SLC5A4: variants seen among roughly 807,000 people sequenced by gnomAD.
SLC5A4 encodes solute carrier family 5 member 4, also known as probable glucose sensor protein SLC5A4.
In SLC5A4, 55 loss-of-function variants were observed where a neutral mutation model predicts 70.3. That is an observed-to-expected ratio of 0.78 (90% CI 0.63 to 0.98). The LOEUF is 0.98. Ranked by LOEUF, SLC5A4 falls within the 50% of genes least tolerant of loss-of-function variation. The pLI is 0.00. For synonymous variants in SLC5A4, 268 were observed against 305.7 expected, an observed-to-expected ratio of 0.88 and a Z score of 1.29; for missense variants, 735 against 839.2, an observed-to-expected ratio of 0.88 and a Z score of 1.53.
the SLC5A4 span, among the ~76,000 whole-genome samples, chr22:32,349,232 C>G: frequency 5.3e-4 from 81 of 151,570 alleles, no homozygotes; most frequent in East Asian, 1.7e-3. Flanking sequence ...CTTGGCCTCC[C>G]AAGGTGCTGG....
the SLC5A4 span, among the ~76,000 whole-genome samples, chr22:32,339,388 A>C: frequency 6.6e-6 from 1 of 152,192 alleles, no homozygotes; most frequent in Non-Finnish European, 1.5e-5. Context: ...ACTGAGACTC[A>C]GGAGAGCTAC....
At chr22:32,290,676 A>G in the SLC5A4 span, among the ~76,000 whole-genome samples, 2 of 152,160 alleles carry the variant, frequency 1.3e-5, no homozygotes, top group African/African-American at 2.4e-5. Flanking sequence ...AAGATCAGGG[A>G]ACTGGCAGAT....
At chr22:32,323,241 C>T in the SLC5A4 span, among the ~76,000 whole-genome samples, 4 of 152,130 alleles carry the variant, frequency 2.6e-5, no homozygotes, top group Non-Finnish European at 4.4e-5. Flanking sequence ...GTGGACCCCG[C>T]ACCTCCTCAC....
At chr22:32,239,834 C>G (rs974443000) in intron 5 of SLC5A4, among the ~76,000 whole-genome samples, 4 of 148,594 alleles carry the variant, frequency 2.7e-5, no homozygotes, top group African/African-American at 9.9e-5. Flanking sequence ...ACCATCCTGG[C>G]TAACACAGTG....
At chr22:32,264,367 G>C in the SLC5A4 span, among the ~76,000 whole-genome samples, 1 of 151,936 alleles carries the variant, frequency 6.6e-6, no homozygotes, top group East Asian at 1.9e-4. Context: ...TGAGCCAGGG[G>C]TTCTAGACCA....
intron 11 of SLC5A4, 25 bp downstream of exon 11, chr22:32,229,169 T>C: frequency 1.9e-6 from 3 of 1,608,344 alleles, no homozygotes; most frequent in Non-Finnish European, 2.6e-6. Context: ...CAGAGGATTC[T>C]AGGTGGGAAC....
At chr22:32,223,997 T>G (rs543401969) in intron 13 of SLC5A4, among the ~76,000 whole-genome samples, 84 of 152,202 alleles carry the variant, frequency 5.5e-4, no homozygotes, top group Middle Eastern at 3.4e-3. Context: ...CTTGGCTCAC[T>G]GCAAGCTCCG....
the SLC5A4 span, among the ~76,000 whole-genome samples, chr22:32,296,455 G>T: frequency 1.5e-5 from 1 of 66,822 alleles, no homozygotes; most frequent in African/African-American, 5.8e-5. Context: ...TTGGCTCTCT[G>T]TCTGTTGTTG....
At chr22:32,320,888 C>T in the SLC5A4 span, among the ~76,000 whole-genome samples, 4 of 151,220 alleles carry the variant, frequency 2.6e-5, no homozygotes, top group East Asian at 1.9e-4. Context: ...GTGGACGATC[C>T]GGCAACCTCT....
the SLC5A4 span, among the ~76,000 whole-genome samples, chr22:32,291,697 G>A: frequency 6.6e-6 from 1 of 151,898 alleles, no homozygotes; most frequent in Non-Finnish European, 1.5e-5. Flanking sequence ...AATCACCTAA[G>A]TTTTAATATG....
chr22:32,234,200 A>G (rs2123895655), intron 8 of SLC5A4, among the ~76,000 whole-genome samples: 1 of 152,320 alleles, frequency 6.6e-6, no homozygotes, highest in Admixed American at 6.5e-5. Context: ...AGGGTCTGAG[A>G]GCATTTATTC....
the SLC5A4 span, chr22:32,271,140 G>C: frequency 1.5e-6 from 1 of 659,338 alleles, no homozygotes. Context: ...TCCAGACAGA[G>C]CCCATCCACT....
At chr22:32,272,036 C>T in the SLC5A4 span, 612 of 637,556 alleles carry the variant, frequency 9.6e-4, 1 homozygote, top group African/African-American at 9.6e-3. Context: ...AGTTCATCTC[C>T]CTAGTCTGCT....
At chr22:32,237,520 C>T (rs918320848) in intron 6 of SLC5A4, among the ~76,000 whole-genome samples, 196 bp from the exon 7 acceptor site, 1 of 152,100 alleles carries the variant, frequency 6.6e-6, no homozygotes, top group African/African-American at 2.4e-5. Context: ...CTTGCCTTGC[C>T]CTGATTCAAA....
At chr22:32,285,839 C>G in the SLC5A4 span, among the ~76,000 whole-genome samples, 2 of 152,006 alleles carry the variant, frequency 1.3e-5, no homozygotes, top group East Asian at 3.9e-4. Context: ...CGGGTTCACG[C>G]CATTCTCCTG....
the SLC5A4 span, among the ~76,000 whole-genome samples, chr22:32,335,746 A>C: frequency 6.6e-6 from 1 of 152,170 alleles, no homozygotes; most frequent in Non-Finnish European, 1.5e-5. Flanking sequence ...CCCAGCACAC[A>C]GGGTGTGACA....
chr22:32,262,741 A>G, the SLC5A4 span, among the ~76,000 whole-genome samples: 1 of 152,180 alleles, frequency 6.6e-6, no homozygotes, highest in Admixed American at 6.5e-5. Flanking sequence ...GTCAGAAATA[A>G]AAGTGCGTAC....
intron 2 of SLC5A4, among the ~76,000 whole-genome samples, chr22:32,252,923 C>A (rs1186008069): frequency 6.6e-6 from 1 of 152,134 alleles, no homozygotes; most frequent in Non-Finnish European, 1.5e-5. Context: ...TGTGGCTCTT[C>A]CCACTTTTTA....
chr22:32,251,625 C>A, intron 3 of SLC5A4, 145 bp downstream of exon 3: 1 of 623,208 alleles, frequency 1.6e-6, no homozygotes, highest in Non-Finnish European at 2.9e-6. Flanking sequence ...AGCCCTTGCA[C>A]TTCCCAGCCT....
Sources: allele counts gnomAD v4.1 joint callset (sites outside exome capture counted in the v4.1 genomes callset), GRCh38; gene constraint gnomAD v4.1.1; transcripts MANE v1.5; gene names NCBI Gene and HGNC (gene_info 2026-07-23, HGNC 2026-07-21).